BCL2L12: variants seen among roughly 807,000 people sequenced by gnomAD.
BCL2L12 encodes bcl-2-like protein 12.
Under a neutral mutation model 25.7 loss-of-function variants are expected in BCL2L12, and 27 were observed. That is an observed-to-expected ratio of 1.05 (90% CI 0.78 to 1.45). The LOEUF is 1.45. Among genes scored for constraint, BCL2L12 ranks in the 40% most tolerant of loss-of-function variants. The pLI, the probability that BCL2L12 is intolerant of heterozygous loss-of-function variation, is 0.00. For synonymous variants in BCL2L12, 132 were observed against 145.6 expected (o/e 0.91, Z 0.67); for missense variants, 302 against 329.8 (o/e 0.92, Z 0.65).
In BCL2L12 at chr19:49,666,026, C is replaced by T. The variant is rs1170404719; in HGVS notation, c.-50C>T. ...TTTGTACGAGTTCAGTGGAGGAGAC[C>T]GCAAGTTGAGTGGAGGAGGCGGCGG... On this transcript the variant is annotated 5_prime_UTR_variant, in exon 1 of 7. Coordinates refer to ENST00000246784, the MANE Select transcript of BCL2L12 (RefSeq NM_138639.2). The T allele has an allele frequency of 3.8e-6, 6 of 1,574,200 alleles. No homozygotes were observed. Among genetic ancestry groups the T allele is most frequent in the South Asian group, 1.1e-5 (1 of 87,794 alleles).
intron 1 of BCL2L12, 31 bp from the exon 2 acceptor site, chr19:49,666,653 TG>T: frequency 6.6e-7 from 1 of 1,509,254 alleles, no homozygotes; most frequent in Non-Finnish European, 8.9e-7. Context: ...GCTAAACCCT[TG>T]GAGTCCAGTC....
intron 5 of BCL2L12, 38 bp downstream of exon 5, chr19:49,669,153 A>G (rs1443421722): frequency 6.2e-7 from 1 of 1,607,698 alleles, no homozygotes; most frequent in African/African-American, 1.3e-5. Context: ...CAAGGACAGG[A>G]GTTGCGGAAT....
chr19:49,670,130 T>C (rs2081923260), intron 5 of BCL2L12, 86 bp from the exon 6 acceptor site: 2 of 1,508,754 alleles, frequency 1.3e-6, no homozygotes, highest in East Asian at 2.4e-5. Flanking sequence ...AGAACGATCC[T>C]GAACCGGGAA....
At chr19:49,666,185 C>T in intron 1 of BCL2L12, 118 bp downstream of exon 1, 2 of 1,326,914 alleles carry the variant, frequency 1.5e-6, no homozygotes, top group Non-Finnish European at 2.0e-6. Context: ...CCTCTAGATT[C>T]CAGCAGGGGT....
upstream of BCL2L12, chr19:49,665,809 C>A: frequency 6.3e-7 from 1 of 1,579,810 alleles, no homozygotes; most frequent in Non-Finnish European, 8.7e-7. Context: ...CTTTGGGTAA[C>A]AGACCCAAAA....
intron 6 of BCL2L12, among the ~76,000 whole-genome samples, chr19:49,673,166 AT>A (rs2081995194): frequency 6.6e-6 from 1 of 151,396 alleles, no homozygotes; most frequent in Non-Finnish European, 1.5e-5. Flanking sequence ...CGCCTGGACA[AT>A]TTCTTAAAAA....
In BCL2L12 at chr19:49,670,445, A is replaced by G. The variant is rs1246549736; in HGVS notation, c.659A>G (p.His220Arg). Residue 220 changes from histidine to arginine, a missense_variant, in exon 6 of 7, where the codon CAC (histidine) becomes CGC (arginine). Coordinates refer to ENST00000246784, the MANE Select transcript of BCL2L12 (RefSeq NM_138639.2). ...GGTLAGLSVE[H>R]VHSFTPWIQA... Reference sequence around the variant, plus strand: ...ACCCTGGCCGGACTCAGCGTGGAGCACGTGCACAGCTTCACGCCCTGGATC... The same window carrying G: ...ACCCTGGCCGGACTCAGCGTGGAGCGCGTGCACAGCTTCACGCCCTGGATC... The G allele has an allele frequency of 1.9e-6, 3 of 1,539,738 alleles. No individual in the cohort carries two copies. Among genetic ancestry groups the G allele is most frequent in the Non-Finnish European group, 1.7e-6 (2 of 1,146,130 alleles).
rs760312105 is a variant in BCL2L12 at position 49,671,253 on chromosome 19, A to T, written c.702+765A>T. On this transcript the variant is annotated intron_variant, in intron 6 of 6. Coordinates refer to ENST00000246784, the MANE Select transcript of BCL2L12 (RefSeq NM_138639.2). ...TGAGGTGGGTGGATCACTTGAGGTC[A>T]GGAGTTTGAGACCAGCCTGACCATG... Among the ~76,000 whole-genome samples, 217 of 152,262 alleles carry T rather than the reference A, an allele frequency of 1.4e-3. 2 individuals carry two copies. Among genetic ancestry groups the T allele is most frequent in the Non-Finnish European group, 1.5e-3 (100 of 68,026 alleles).
intron 6 of BCL2L12, among the ~76,000 whole-genome samples, chr19:49,673,467 C>G (rs538784597): frequency 6.6e-6 from 1 of 152,096 alleles, no homozygotes; most frequent in Admixed American, 6.6e-5. Flanking sequence ...TAATCCCACT[C>G]CAGTGTCCTG....
chr19:49,666,940 G>C (rs145379081), intron 2 of BCL2L12, 79 bp from the exon 3 acceptor site: 28,406 of 1,559,680 alleles, frequency 0.018, 348 homozygotes, highest in Middle Eastern at 0.061. Context: ...GTCCTCAGCG[G>C]GGGAGGGAGG....
chr19:49,669,254 G>T (rs562141767), intron 5 of BCL2L12, 139 bp downstream of exon 5: 1 of 1,456,266 alleles, frequency 6.9e-7, no homozygotes, highest in South Asian at 1.4e-5. Context: ...GAAGGGTTGA[G>T]GCCGGGTGTG....
chr19:49,666,916 G>T lies in BCL2L12; in HGVS notation c.108-103G>T, dbSNP rs1046190767. 2.7e-5 allele frequency: 41 copies of T among 1,532,510 alleles called. No homozygotes were observed. The African/African-American group carries it at 5.2e-4, about 20-fold the overall frequency. 94.9% of individuals were successfully genotyped at this position (1,532,510 alleles called of 1,614,324 possible). On this transcript the variant is annotated intron_variant, in intron 2 of 6. Coordinates refer to ENST00000246784, the MANE Select transcript of BCL2L12 (RefSeq NM_138639.2). ...ATCTGGCTCTATTCTCTGTCTTTGGGGTTTTGGAGAGAGGTCCTCAGCGGG... is the reference window on the plus strand; with the variant it reads ...ATCTGGCTCTATTCTCTGTCTTTGGTGTTTTGGAGAGAGGTCCTCAGCGGG...
chr19:49,671,684 C>G (rs2081964951), intron 6 of BCL2L12, among the ~76,000 whole-genome samples: 1 of 152,104 alleles, frequency 6.6e-6, no homozygotes, highest in Non-Finnish European at 1.5e-5. Context: ...AAGGGTCGCT[C>G]TGAGGGTTAA....
chr19:49,666,147 G>A (rs774338739), intron 1 of BCL2L12, 80 bp downstream of exon 1: 2 of 1,468,068 alleles, frequency 1.4e-6, no homozygotes, highest in Non-Finnish European at 1.8e-6. Flanking sequence ...CCCCAGTCCC[G>A]CTTCTCTGAT....
rs2081892831 is a variant in BCL2L12 at position 49,669,062 on chromosome 19, C to T, written c.376C>T (p.Leu126=). ...CCCATCGACAGAGAAGGAAGCCATA[C>T]TGCGGAGGCTGGTGGCCCTGCTGGA... is the stretch of plus-strand genomic sequence containing the variant. ...GPPSTEKEAI[L]RRLVALLEEE... Residue 126 remains leucine, a synonymous_variant, in exon 5 of 7, where the codon CTG becomes TTG. Coordinates refer to ENST00000246784, the MANE Select transcript of BCL2L12 (RefSeq NM_138639.2). 1.2e-6 allele frequency: 2 copies of T among 1,614,148 alleles called. No homozygotes were observed. Among genetic ancestry groups the T allele is most frequent in the Non-Finnish European group, 1.7e-6 (2 of 1,180,010 alleles).
At position 49,666,205 on chromosome 19, in the gene BCL2L12, G is replaced by T. The variant is rs994914883; in HGVS notation, c.-9+138G>T. 6 of 1,219,440 alleles carry T rather than the reference G, an allele frequency of 4.9e-6. No homozygotes were observed. In the East Asian group the frequency reaches 1.6e-4, roughly 32 times the overall value. 75.5% of individuals were successfully genotyped at this position (1,219,440 alleles called of 1,614,324 possible). A position where few individuals can be genotyped will look rare whatever the true frequency, so the allele number is the denominator to read the frequency against. Reference sequence around the variant, plus strand: ...AGATTCCAGCAGGGGTCGGAGATTTGGAACTACACCTCACAGCAGGCTGCG... The same window carrying T: ...AGATTCCAGCAGGGGTCGGAGATTTTGAACTACACCTCACAGCAGGCTGCG... On this transcript the variant is annotated intron_variant, in intron 1 of 6. Coordinates refer to ENST00000246784, the MANE Select transcript of BCL2L12 (RefSeq NM_138639.2).
At position 49,666,145 on chromosome 19, in the gene BCL2L12, C is replaced by G. The variant is rs28372865; in HGVS notation, c.-9+78C>G. 5.7e-4 allele frequency: 836 copies of G among 1,473,422 alleles called. 9 individuals carry two copies. The East Asian group carries it at 0.02, about 36-fold the overall frequency. 91.3% of individuals were successfully genotyped at this position (1,473,422 alleles called of 1,614,324 possible). ...GGATCCAGTGGTGGGCACCCCAGTC[C>G]CGCTTCTCTGATATCCAAGGGTCCA... On this transcript the variant is annotated intron_variant, in intron 1 of 6. Coordinates refer to ENST00000246784, the MANE Select transcript of BCL2L12 (RefSeq NM_138639.2).
At chr19:49,665,922 C>G (rs145496469), upstream of BCL2L12, 108 of 1,613,780 alleles carry the variant, frequency 6.7e-5, 1 homozygote, top group Middle Eastern at 1.2e-3. Context: ...AGCGTGCACC[C>G]AGCGTTCCGC....
chr19:49,665,893 G>C, upstream of BCL2L12: 1 of 1,612,810 alleles, frequency 6.2e-7, no homozygotes, highest in Non-Finnish European at 8.5e-7. Flanking sequence ...GGCATGCTGG[G>C]AGCGTCACAT....
Sources: allele counts gnomAD v4.1 joint callset (sites outside exome capture counted in the v4.1 genomes callset), GRCh38; gene constraint gnomAD v4.1.1; transcripts MANE v1.5; gene names NCBI Gene and HGNC (gene_info 2026-07-23, HGNC 2026-07-21).